Variants in TRMT44 observed in about 807,000 individuals in gnomAD.
TRMT44 encodes the protein tRNA methyltransferase 44 homolog.
Under a neutral mutation model 77.3 loss-of-function variants are expected in TRMT44, and 78 were observed. The ratio of observed to expected loss-of-function variants is 1.01; its 90% CI spans 0.84 to 1.22. The LOEUF is 1.22. Ranked by LOEUF, TRMT44 falls within the 50% of genes most tolerant of loss-of-function variation. The pLI is 0.00. For missense variants in TRMT44, 1,090 were observed against 964.4 expected, an observed-to-expected ratio of 1.13 and a Z score of -1.73; for synonymous variants, 391 against 383.3, an observed-to-expected ratio of 1.02 and a Z score of -0.23.
intron 3 of TRMT44, 61 bp downstream of exon 3, chr4:8,449,949 CTTTTTTTTTTT>C (rs745915221): frequency 0.066 from 15,711 of 238,904 alleles, 282 homozygotes; most frequent in Non-Finnish European, 0.076. Context: ...CTTTTCTTTT[CTTTTTTTTTTT>C]TTTTTTTTTT....
downstream of TRMT44, among the ~76,000 whole-genome samples, chr4:8,479,822 T>C (rs1162991811): frequency 1.3e-5 from 2 of 149,060 alleles, no homozygotes; most frequent in African/African-American, 2.6e-5. Context: ...TTTTGACTCT[T>C]TTTTAATAAC....
At chr4:8,478,852 C>T (rs906117249), downstream of TRMT44, 1 of 152,394 alleles carries the variant, frequency 6.6e-6, no homozygotes, top group East Asian at 1.9e-4. Flanking sequence ...CGACTTGCCC[C>T]ATCTGCTGCA....
intron 1 of TRMT44, among the ~76,000 whole-genome samples, chr4:8,443,945 C>T (rs1724908805): frequency 3.4e-5 from 5 of 148,040 alleles, no homozygotes; most frequent in South Asian, 2.1e-4. Context: ...GGGCAGCAGA[C>T]GGGGACTCAG....
chr4:8,468,551 T>C (rs779039170), intron 9 of TRMT44: 5 of 608,752 alleles, frequency 8.2e-6, no homozygotes, highest in Non-Finnish European at 1.4e-5. Context: ...GACTTTGTTA[T>C]TTCCAGGGAG....
chr4:8,483,105 T>C (rs1727679855), intron 2 of TRMT44, among the ~76,000 whole-genome samples: 1 of 152,120 alleles, frequency 6.6e-6, no homozygotes, highest in Non-Finnish European at 1.5e-5. Context: ...CAGTTTTGTA[T>C]GAATTGAAAA....
the TRMT44 span, among the ~76,000 whole-genome samples, chr4:8,514,122 G>A: frequency 6.6e-6 from 1 of 152,166 alleles, no homozygotes; most frequent in Non-Finnish European, 1.5e-5. Flanking sequence ...GGCACTACAC[G>A]TGTTCCACAC....
chr4:8,459,066 G>A (rs541684300), intron 6 of TRMT44, among the ~76,000 whole-genome samples: 5 of 152,208 alleles, frequency 3.3e-5, no homozygotes, highest in Non-Finnish European at 7.3e-5. Context: ...GCTGGACATG[G>A]TGGCATGCAC....
chr4:8,441,234 C>A lies in TRMT44; in HGVS notation c.412C>A (p.Pro138Thr), dbSNP rs549393245. The A allele has an allele frequency of 2.0e-6, 3 of 1,535,588 alleles. No individual in the cohort carries two copies. In the South Asian group the frequency reaches 3.6e-5, roughly 18 times the overall value. ...TGCTGAAGGAAGGGAGGGCGACTTC[C>A]CCGCCGCAGATCTGGATTCGCTTTG... ...GHAEGREGDF[P>T]AADLDSLWED... Residue 138 changes from proline to threonine, a missense_variant, in exon 1 of 11, where the codon CCC (proline) becomes ACC (threonine). By Grantham distance (38) the Pro-to-Thr change is conservative. Transcript: ENST00000389737.
In TRMT44 at chr4:8,455,548, A is replaced by T. The variant is rs544324706; in HGVS notation, c.1203+735A>T. On this transcript the variant is annotated intron_variant, in intron 6 of 10. Transcript: ENST00000389737. ...ACTTGAAACAGTCTCACTTTTCTTA[A>T]TGCCCCTACCCAGAGATAATCACTC... is the stretch of plus-strand genomic sequence containing the variant. Among the ~76,000 whole-genome samples the T allele has an allele frequency of 2.0e-5, 3 of 152,370 alleles. No individual in the cohort carries two copies. In the East Asian group the frequency reaches 5.8e-4, roughly 29 times the overall value.
chr4:8,480,423 C>A (rs1727577472), downstream of TRMT44, among the ~76,000 whole-genome samples: 1 of 152,098 alleles, frequency 6.6e-6, no homozygotes, highest in African/African-American at 2.4e-5. Flanking sequence ...ACGGTGCCCT[C>A]CTTGCACTCC....
At chr4:8,483,875 A>G (rs1348332261) in intron 2 of TRMT44, among the ~76,000 whole-genome samples, 2 of 152,208 alleles carry the variant, frequency 1.3e-5, no homozygotes, top group Non-Finnish European at 2.9e-5. Context: ...TATTTAGACT[A>G]AGAGGTATTT....
intron 2 of TRMT44, among the ~76,000 whole-genome samples, chr4:8,489,538 A>T (rs1461282302): frequency 6.6e-6 from 1 of 152,150 alleles, no homozygotes; most frequent in African/African-American, 2.4e-5. Context: ...GTTCAGTGGC[A>T]CAATCTCGGC....
At chr4:8,442,508 A>C (rs1045019473) in intron 1 of TRMT44, among the ~76,000 whole-genome samples, 1 of 152,226 alleles carries the variant, frequency 6.6e-6, no homozygotes, top group Non-Finnish European at 1.5e-5. Flanking sequence ...GTCAGTACAA[A>C]AAATTGATTG....
the TRMT44 span, among the ~76,000 whole-genome samples, chr4:8,503,312 A>G: frequency 6.6e-6 from 1 of 152,330 alleles, no homozygotes; most frequent in East Asian, 1.9e-4. Flanking sequence ...GTGGCACTCT[A>G]TCCCAGCAGA....
the TRMT44 span, among the ~76,000 whole-genome samples, chr4:8,500,689 C>G: frequency 6.7e-6 from 1 of 149,470 alleles, no homozygotes; most frequent in Non-Finnish European, 1.5e-5. Flanking sequence ...CAGAGTCTCA[C>G]TCTGTTGCCC....
At chr4:8,475,087 C>T (rs536539285) in intron 10 of TRMT44, among the ~76,000 whole-genome samples, 1 of 152,206 alleles carries the variant, frequency 6.6e-6, no homozygotes, top group East Asian at 1.9e-4. Flanking sequence ...TCCACACTTG[C>T]ACCTGGAGGG....
At chr4:8,462,109 G>T (rs1212641308) in intron 6 of TRMT44, among the ~76,000 whole-genome samples, 2 of 152,174 alleles carry the variant, frequency 1.3e-5, no homozygotes, top group Non-Finnish European at 2.9e-5. Flanking sequence ...TGTTCAAAAT[G>T]CCAGTGAAAA....
chr4:8,498,168 C>A (rs1468546492), downstream of TRMT44, among the ~76,000 whole-genome samples: 2 of 152,170 alleles, frequency 1.3e-5, no homozygotes, highest in African/African-American at 4.8e-5. The surrounding 1 kb of genome is among the most constrained non-coding windows in gnomAD (Gnocchi z 4.3). Flanking sequence ...GTAGTTTGGG[C>A]AGCTGTGAAC....
At chr4:8,486,465 G>A (rs1727807195) in intron 2 of TRMT44, among the ~76,000 whole-genome samples, 1 of 152,164 alleles carries the variant, frequency 6.6e-6, no homozygotes. Flanking sequence ...TTAATTTTTG[G>A]ATTTTTATTT....
Sources: gnomAD v4.1 joint callset for allele counts (sites outside exome capture counted in the v4.1 genomes callset) on GRCh38, gnomAD v4.1.1 for gene constraint, Gnocchi (gnomAD v3.1) non-coding constraint, MANE v1.5 for transcripts, NCBI Gene and HGNC (gene_info 2026-07-23, HGNC 2026-07-21) for gene names.